Variants in DOP1B observed in about 807,000 individuals in gnomAD.
DOP1B encodes the protein DOP1 leucine zipper like protein B, also known as protein DOP1B.
In DOP1B, 174 loss-of-function variants were observed where a neutral mutation model predicts 233.5. That is an observed-to-expected ratio of 0.75 (90% CI 0.66 to 0.85). The LOEUF (loss-of-function observed/expected upper bound fraction) is 0.85. DOP1B is among the 40% of genes least tolerant of loss of function. The pLI, the probability that DOP1B is intolerant of heterozygous loss-of-function variation, is 0.00. For missense variants in DOP1B, 2,652 were observed against 2,846.6 expected (o/e 0.93, Z 1.56); for synonymous variants, 1,190 against 1,185.6 (o/e 1.00, Z -0.08).
chr21:36,261,635 G>C (rs8133181), intron 24 of DOP1B: 1 of 984,920 alleles, frequency 1.0e-6, no homozygotes, highest in Admixed American at 6.2e-5. Flanking sequence ...GGCTGGGTGC[G>C]GTGGCTCAAC....
chr21:36,176,970 C>G (rs1244117193), intron 2 of DOP1B, among the ~76,000 whole-genome samples: 8 of 152,160 alleles, frequency 5.3e-5, no homozygotes, highest in Admixed American at 5.2e-4. Context: ...AGGCATGCGC[C>G]ACCACACCTG....
At chr21:36,249,772 A>G (rs2123603572) in intron 21 of DOP1B, among the ~76,000 whole-genome samples, 1 of 152,234 alleles carries the variant, frequency 6.6e-6, no homozygotes, top group South Asian at 2.1e-4. Flanking sequence ...ATCAGTTGAG[A>G]GCCCCCAGGT....
intron 27 of DOP1B, among the ~76,000 whole-genome samples, chr21:36,270,910 C>A: frequency 1.0e-5 from 1 of 97,910 alleles, no homozygotes. Flanking sequence ...GAGACTACAC[C>A]TCAAAAAAAA....
At chr21:36,204,431 C>T (rs1805557013) in intron 4 of DOP1B, among the ~76,000 whole-genome samples, 1 of 152,136 alleles carries the variant, frequency 6.6e-6, no homozygotes, top group Admixed American at 6.6e-5. Flanking sequence ...TCTTAGGGCC[C>T]CTATCGTGGA....
chr21:36,222,056 G>A (rs1430985672), intron 10 of DOP1B, among the ~76,000 whole-genome samples: 1 of 151,826 alleles, frequency 6.6e-6, no homozygotes, highest in African/African-American at 2.4e-5. Flanking sequence ...GTTTTTAGTA[G>A]TGACAGAGTT....
intron 1 of DOP1B, among the ~76,000 whole-genome samples, chr21:36,160,999 C>T (rs2065864053): frequency 6.6e-6 from 1 of 152,074 alleles, no homozygotes; most frequent in Non-Finnish European, 1.5e-5. Context: ...GCAAACAGGA[C>T]TGGGGTTGAG....
At chr21:36,207,400 G>T (rs545146206) in intron 4 of DOP1B, among the ~76,000 whole-genome samples, 1 of 151,436 alleles carries the variant, frequency 6.6e-6, no homozygotes, top group Non-Finnish European at 1.5e-5. Flanking sequence ...GTCCAGGCTG[G>T]TCTCAAACTC....
chr21:36,245,690 C>CT lies in DOP1B; in HGVS notation c.3711dup (p.Arg1238SerfsTer19). ...CTGCTCTACCTGCAGCCCTACGACT[C>CT]TCGGCGGGTCCTCTATGCCTTCTCG... On this transcript the variant is annotated frameshift_variant, in exon 19 of 37. Transcript: ENST00000691173. LOFTEE classifies it high-confidence loss of function. This position sits in a 1 kb window ranked among gnomAD's most constrained non-coding sequence, Gnocchi z 5.5. The CT allele has an allele frequency of 6.2e-7, 1 of 1,613,764 alleles. No individual in the cohort carries two copies. The highest frequency in any genetic ancestry group is 8.5e-7 in the Non-Finnish European group (1 of 1,180,014).
At chr21:36,251,511 C>T (rs1368134372) in intron 22 of DOP1B, among the ~76,000 whole-genome samples, 1 of 152,186 alleles carries the variant, frequency 6.6e-6, no homozygotes, top group Non-Finnish European at 1.5e-5. Flanking sequence ...CCTCCACCTC[C>T]TGGGTTCAAG....
chr21:36,291,698 G>A (rs1434329030), intron 35 of DOP1B, among the ~76,000 whole-genome samples: 4 of 152,148 alleles, frequency 2.6e-5, no homozygotes, highest in African/African-American at 4.8e-5. Flanking sequence ...AGTGGAATAC[G>A]GTTCAGCAAC....
intron 1 of DOP1B, among the ~76,000 whole-genome samples, chr21:36,161,932 G>C: frequency 6.6e-6 from 1 of 152,330 alleles, no homozygotes; most frequent in East Asian, 1.9e-4. Flanking sequence ...CGGCGTATCA[G>C]TATTTGGTTC....
At chr21:36,163,381 G>A (rs551799806) in intron 1 of DOP1B, among the ~76,000 whole-genome samples, 3 of 151,690 alleles carry the variant, frequency 2.0e-5, no homozygotes, top group East Asian at 3.9e-4. Flanking sequence ...AGTAGTGGTG[G>A]CCTGGTGAAG....
At position 36,251,730 on chromosome 21, in the gene DOP1B, A is replaced by G. The variant is rs143467910; in HGVS notation, c.5121+446A>G. ...GCCACCACACCTTGCCGATTTCATC[A>G]TTTGAAATGCATGAGATAATATAGC... is the stretch of plus-strand genomic sequence containing the variant. On this transcript the variant is annotated intron_variant, in intron 22 of 36. Transcript: ENST00000691173. Among the ~76,000 whole-genome samples, 1,253 of 152,290 alleles carry G rather than the reference A, an allele frequency of 8.2e-3. 12 individuals carry two copies. The highest frequency in any genetic ancestry group is 0.029 in the African/African-American group (1,187 of 41,552).
At chr21:36,259,769 G>A (rs1241613064) in intron 23 of DOP1B, among the ~76,000 whole-genome samples, 1 of 152,092 alleles carries the variant, frequency 6.6e-6, no homozygotes, top group Admixed American at 6.6e-5. Context: ...ACAAATACCT[G>A]CAATTTCTAG....
Position 36,212,925 on chromosome 21 carries a change from G to A in DOP1B, c.904+828G>A, listed in dbSNP as rs551262196. On this transcript the variant is annotated intron_variant, in intron 7 of 36. Coordinates refer to ENST00000691173, the MANE Select transcript of DOP1B (RefSeq NM_001320714.2). Reference sequence around the variant, plus strand: ...GCCTCCCAAGTAGCTGGGATTGCAGGCACCCACCACCCCGGCTGGGTAATT... The same window carrying A: ...GCCTCCCAAGTAGCTGGGATTGCAGACACCCACCACCCCGGCTGGGTAATT... Among the ~76,000 whole-genome samples the A allele has an allele frequency of 2.0e-5, 3 of 152,258 alleles. No homozygotes were observed. In the East Asian group the frequency reaches 5.8e-4, roughly 29 times the overall value.
rs2067372359 is a variant in DOP1B at position 36,278,035 on chromosome 21, T to A, written c.5773T>A (p.Leu1925Ile). 1 of 1,614,084 alleles carries A rather than the reference T, an allele frequency of 6.2e-7. No homozygotes were observed. Among genetic ancestry groups the A allele is most frequent in the Admixed American group, 1.7e-5 (1 of 59,982 alleles). The part of the protein sequence containing the change: ...RSDEKEKAVP[L>I]ISRLLYYVFP... ...TGATGAGAAGGAGAAAGCTGTGCCG[T>A]TAATCTCCCGTCTGCTTTACTATGT... Residue 1925 changes from leucine (L) to isoleucine (I), a missense_variant, in exon 29 of 37, where the codon TTA becomes ATA. Leu to Ile is a conservative substitution (Grantham distance 5). This residue lies in a region of DOP1B where 2,617 missense variants were observed against 2,794.3 expected (regional missense o/e 0.94). Transcript: ENST00000691173.
chr21:36,270,280 C>T (rs1177195524), intron 27 of DOP1B, 123 bp downstream of exon 27: 11 of 1,102,370 alleles, frequency 1.0e-5, no homozygotes, highest in African/African-American at 4.7e-5. Flanking sequence ...AGGCTGGGTG[C>T]GGTGGCTCAC....
chr21:36,158,409 A>T (rs1334979089), intron 1 of DOP1B, among the ~76,000 whole-genome samples: 1 of 152,218 alleles, frequency 6.6e-6, no homozygotes, highest in Non-Finnish European at 1.5e-5. Flanking sequence ...TGGTTCTGCT[A>T]GCTGCTGGGT....
intron 10 of DOP1B, among the ~76,000 whole-genome samples, 174 bp from the exon 11 acceptor site, chr21:36,223,057 G>A (rs1483125862): frequency 6.6e-6 from 1 of 152,142 alleles, no homozygotes; most frequent in Non-Finnish European, 1.5e-5. Context: ...TATTGTTTAC[G>A]ATGGCATTAT....
Sources: gnomAD v4.1 joint callset for allele counts (sites outside exome capture counted in the v4.1 genomes callset) on GRCh38, gnomAD v4.1.1 for gene constraint, gnomAD v4.1.1 regional missense constraint, Gnocchi (gnomAD v3.1) non-coding constraint, MANE v1.5 for transcripts, NCBI Gene and HGNC (gene_info 2026-07-23, HGNC 2026-07-21) for gene names.